Variants in TRPV4 observed in about 807,000 individuals in gnomAD.
TRPV4 encodes the protein transient receptor potential cation channel subfamily V member 4.
A neutral mutation model predicts 84.1 loss-of-function variants in TRPV4; 58 were observed. The observed-to-expected ratio is 0.69, with a 90% CI of 0.56 to 0.86. The LOEUF is 0.86. Among genes scored for constraint, TRPV4 ranks in the 40% least tolerant of loss-of-function variants. The probability of loss-of-function intolerance (pLI) is 0.00; values close to 1 mark genes in which losing one functional copy is unlikely to be tolerated. For synonymous variants in TRPV4, 489 were observed against 500.9 expected (o/e 0.98, Z 0.32); for missense variants, 879 against 1,181.1 (o/e 0.74, Z 3.75).
intron 1 of TRPV4, among the ~76,000 whole-genome samples, chr12:109,828,968 T>C (rs955451923): frequency 6.6e-6 from 1 of 152,164 alleles, no homozygotes; most frequent in Non-Finnish European, 1.5e-5. Flanking sequence ...GAGGGTTACT[T>C]GAGCTCTGGA....
At chr12:109,802,218 C>T (rs542502039) in intron 4 of TRPV4, among the ~76,000 whole-genome samples, 1 of 151,816 alleles carries the variant, frequency 6.6e-6, no homozygotes, top group Non-Finnish European at 1.5e-5. Flanking sequence ...AAGCCTTGAC[C>T]CTCTGAGCTC....
In TRPV4 at chr12:109,794,377, G is replaced by C. The variant is rs925307171; in HGVS notation, c.1443C>G (p.Ala481=). The C allele has an allele frequency of 4.6e-5, 75 of 1,613,572 alleles. No individual in the cohort carries two copies. Among genetic ancestry groups the C allele is most frequent in the Non-Finnish European group, 6.3e-5 (74 of 1,180,040 alleles). The change falls in exon 8 of 16, where the codon GCC becomes GCG. Residue 481 remains alanine, a synonymous_variant. Coordinates refer to ENST00000261740, the MANE Select transcript of TRPV4 (RefSeq NM_021625.5). ...FYINVVSYLC[A]MVIFTLTAYY... is the part of the protein sequence containing the mutation. ...AGGCGGTGAGAGTGAAGATGACCATGGCACACAGGTAGGAGACCACGTTGA... is the reference window on the plus strand; with the variant it reads ...AGGCGGTGAGAGTGAAGATGACCATCGCACACAGGTAGGAGACCACGTTGA...
At chr12:109,816,652 A>C (rs1974725) in intron 1 of TRPV4, among the ~76,000 whole-genome samples, 95,770 of 151,964 alleles carry the variant, frequency 0.63, 31,703 homozygotes, top group East Asian at 0.95. Context: ...GTGGCACGTG[A>C]CTGTAGTCCC....
chr12:109,825,579 C>G (rs190880143), intron 1 of TRPV4, among the ~76,000 whole-genome samples: 9 of 152,222 alleles, frequency 5.9e-5, no homozygotes, highest in Admixed American at 3.3e-4. Flanking sequence ...AACCAGGGCT[C>G]GTGACTGCAG....
At chr12:109,790,977 C>T (rs1393247309) in intron 12 of TRPV4, among the ~76,000 whole-genome samples, 1 of 152,226 alleles carries the variant, frequency 6.6e-6, no homozygotes, top group Admixed American at 6.5e-5. Flanking sequence ...CTAGCTAGAC[C>T]AGTCAGCCAG....
At chr12:109,784,460 T>A in intron 14 of TRPV4, 23 bp from the exon 15 acceptor site, 3 of 1,613,842 alleles carry the variant, frequency 1.9e-6, no homozygotes, top group Non-Finnish European at 2.5e-6. Context: ...AAGCAGAGGG[T>A]CATGGGGAAC....
At chr12:109,804,204 T>C (rs1291252944) in intron 3 of TRPV4, among the ~76,000 whole-genome samples, 2 of 152,216 alleles carry the variant, frequency 1.3e-5, no homozygotes, top group Admixed American at 1.3e-4. Context: ...GATGTCTCTT[T>C]GCAAGTTTCT....
chr12:109,814,553 G>A lies in TRPV4; in HGVS notation c.244C>T (p.Pro82Ser), dbSNP rs752687084. ...QGAFRKGVPN[P>S]IDLLESTLYE... is the part of the protein sequence containing the mutation. The stretch of plus-strand genomic sequence containing the variant: ...AGGGTGGACTCCAGCAGATCGATGG[G>A]GTTGGGCACCCCCTTGCGGAAGGCG... The change falls in exon 2 of 16, where the codon CCC becomes TCC. Residue 82 changes from proline (P) to serine (S), a missense_variant. Pro to Ser is a moderately conservative substitution (Grantham distance 74). This residue lies in a region of TRPV4 where 521 missense variants were observed against 686.6 expected (regional missense o/e 0.76). Transcript: ENST00000261740. This position sits in a 1 kb window ranked among gnomAD's most constrained non-coding sequence, Gnocchi z 5.4. 6.8e-6 allele frequency: 11 copies of A among 1,614,168 alleles called. No individual in the cohort carries two copies. Among genetic ancestry groups the A allele is most frequent in the Middle Eastern group, 1.6e-4 (1 of 6,062 alleles).
chr12:109,792,270 T>G, intron 12 of TRPV4, 93 bp downstream of exon 12: 6 of 499,386 alleles, frequency 1.2e-5, no homozygotes, highest in Non-Finnish European at 1.8e-5. Context: ...AAAAAAGAAC[T>G]CAGCAAGGCT....
intron 1 of TRPV4, among the ~76,000 whole-genome samples, chr12:109,819,911 G>C (rs1196361423): frequency 6.6e-6 from 1 of 152,204 alleles, no homozygotes; most frequent in African/African-American, 2.4e-5. Flanking sequence ...ATATTCAAAA[G>C]CAGGTTTATA....
At chr12:109,792,106 C>T (rs547319172) in intron 12 of TRPV4, among the ~76,000 whole-genome samples, 1 of 151,494 alleles carries the variant, frequency 6.6e-6, no homozygotes, top group Non-Finnish European at 1.5e-5. Flanking sequence ...AATAGTGGGG[C>T]GTGGTGGCAG....
chr12:109,815,876 G>A lies in TRPV4; in HGVS notation c.-31-1049C>T, dbSNP rs1891817257. ...GGAAGAAGAGCTGGACTTGAACCAT[G>A]TCTCTCTGGCTCCCGGGTCCAGTGC... On this transcript the variant is annotated intron_variant, in intron 1 of 15. Transcript: ENST00000261740. This position sits in a 1 kb window ranked among gnomAD's most constrained non-coding sequence, Gnocchi z 4.1. 1.3e-5 allele frequency among the ~76,000 whole-genome samples: 2 copies of A among 152,384 alleles called. No homozygotes were observed. The highest frequency in any genetic ancestry group is 4.1e-4 in the South Asian group (2 of 4,832).
chr12:109,814,213 G>A lies in TRPV4; in HGVS notation c.386+198C>T, dbSNP rs567968917. On this transcript the variant is annotated intron_variant, in intron 2 of 15. Transcript: ENST00000261740. This position sits in a 1 kb window ranked among gnomAD's most constrained non-coding sequence, Gnocchi z 5.4. The stretch of plus-strand genomic sequence containing the variant: ...GGATGGATGGACGAATAGATGGGTG[G>A]TTGGATGGATGGATGGACGGATGAT... Among the ~76,000 whole-genome samples, 40 of 152,022 alleles carry A rather than the reference G, an allele frequency of 2.6e-4. No individual in the cohort carries two copies. The highest frequency in any genetic ancestry group is 8.2e-4 in the African/African-American group (34 of 41,470).
In TRPV4 at chr12:109,792,421, G is replaced by C. The variant is rs1221704538; in HGVS notation, c.1833C>G (p.Phe611Leu). 6.2e-7 allele frequency: 1 copy of C among 1,613,944 alleles called. No homozygotes were observed. Among genetic ancestry groups the C allele is most frequent in the Admixed American group, 1.7e-5 (1 of 60,012 alleles). ...CGAGCAGGAATCGGAAAAGGTCCTT[G>C]AAGAGAATCTAAAGACCCCAGCGGG... ...TYSIMIQKIL[F>L]KDLFRFLLVY... The change falls in exon 12 of 16, where the codon TTC (phenylalanine) becomes TTG (leucine). Residue 611 changes from phenylalanine (F) to leucine (L), a missense_variant. Physicochemically the swap from Phe to Leu is conservative, Grantham distance 22 (BLOSUM62 0). Transcript: ENST00000261740.
intron 1 of TRPV4, among the ~76,000 whole-genome samples, chr12:109,828,492 G>A (rs984182484): frequency 2.0e-5 from 3 of 152,210 alleles, no homozygotes; most frequent in African/African-American, 7.2e-5. Context: ...GAGGTTGAAG[G>A]AGCCCAGGCC....
At chr12:109,807,968 G>A (rs1013912029) in intron 3 of TRPV4, among the ~76,000 whole-genome samples, 2 of 152,156 alleles carry the variant, frequency 1.3e-5, no homozygotes, top group South Asian at 4.1e-4. Flanking sequence ...ATGAGGAAAC[G>A]GAGGCTCAGA....
intron 1 of TRPV4, among the ~76,000 whole-genome samples, chr12:109,825,442 T>C (rs1385217193): frequency 6.6e-6 from 1 of 152,138 alleles, no homozygotes; most frequent in East Asian, 1.9e-4. Context: ...ATAAGGATGT[T>C]CAATGGCTGC....
chr12:109,825,545 G>A (rs1038878317), intron 1 of TRPV4, among the ~76,000 whole-genome samples: 1 of 152,132 alleles, frequency 6.6e-6, no homozygotes, highest in Non-Finnish European at 1.5e-5. Context: ...GGCAGGCACT[G>A]GAACCCAGAC....
chr12:109,827,572 C>A (rs113761764), intron 1 of TRPV4, among the ~76,000 whole-genome samples: 3,756 of 149,820 alleles, frequency 0.025, 88 homozygotes, highest in African/African-American at 0.066. Flanking sequence ...CACACACACA[C>A]TACACACAAA....
Sources: allele counts gnomAD v4.1 joint callset (sites outside exome capture counted in the v4.1 genomes callset), GRCh38; gene constraint gnomAD v4.1.1; regional missense constraint gnomAD v4.1.1; non-coding constraint Gnocchi (gnomAD v3.1); transcripts MANE v1.5; gene names NCBI Gene and HGNC (gene_info 2026-07-23, HGNC 2026-07-21).